The following CHKA variants were observed in gnomAD, a reference collection of about 807,000 sequenced individuals.
The protein encoded by CHKA is CHETK-alpha.
In CHKA, 34 loss-of-function variants were observed where a neutral mutation model predicts 60.1. The observed-to-expected ratio is 0.57, with a 90% CI of 0.43 to 0.75. CHKA has a LOEUF of 0.75. Among genes scored for constraint, CHKA ranks in the 30% least tolerant of loss-of-function variants. The probability of loss-of-function intolerance (pLI) is 0.00; values close to 1 mark genes in which losing one functional copy is unlikely to be tolerated. For missense variants in CHKA, 563 were observed against 561.3 expected (o/e 1.00, Z -0.03); for synonymous variants, 217 against 223.1 (o/e 0.97, Z 0.24).
At chr11:68,067,948 TGG>T (rs1565175214) in intron 7 of CHKA, among the ~76,000 whole-genome samples, 1 of 152,128 alleles carries the variant, frequency 6.6e-6, no homozygotes, top group African/African-American at 2.4e-5. Flanking sequence ...GGGCTCAAGG[TGG>T]GACCTGAACT....
At position 68,101,014 on chromosome 11, in the gene CHKA, C is replaced by A. The variant is rs1229512010; in HGVS notation, c.351-3884G>T. Among the ~76,000 whole-genome samples, 3 of 127,472 alleles carry A rather than the reference C, an allele frequency of 2.4e-5. No individual in the cohort carries two copies. In the Admixed American group the frequency reaches 2.9e-4, roughly 12 times the overall value. 83.6% of individuals were successfully genotyped at this position (127,472 alleles called of 152,430 possible). A position where few individuals can be genotyped will look rare whatever the true frequency, so the allele number is the denominator to read the frequency against. ...CCAGGCTGGAGTGCAACAGCGCGAT[C>A]TCGGCTCACTGCAAGCTCCACCTCC... On this transcript the variant is annotated intron_variant, in intron 1 of 11. Coordinates refer to ENST00000265689, the MANE Select transcript of CHKA (RefSeq NM_001277.3).
intron 1 of CHKA, among the ~76,000 whole-genome samples, chr11:68,103,884 G>C (rs1319666807): frequency 6.6e-6 from 1 of 152,028 alleles, no homozygotes; most frequent in Non-Finnish European, 1.5e-5. Flanking sequence ...CTGCACTCCA[G>C]CCTGGGAGAC....
intron 1 of CHKA, among the ~76,000 whole-genome samples, chr11:68,107,238 T>A (rs1283513662): frequency 6.6e-6 from 1 of 151,452 alleles, no homozygotes; most frequent in East Asian, 1.9e-4. Flanking sequence ...GGTGACAGAG[T>A]GAGACTCTGT....
chr11:68,080,650 T>C (rs1238545245), intron 3 of CHKA, among the ~76,000 whole-genome samples: 2 of 152,214 alleles, frequency 1.3e-5, no homozygotes, highest in Non-Finnish European at 2.9e-5. Context: ...TCAGCCTATT[T>C]CTTGACCATT....
At chr11:68,059,440 T>C (rs1856141787) in intron 11 of CHKA, among the ~76,000 whole-genome samples, 1 of 152,204 alleles carries the variant, frequency 6.6e-6, no homozygotes, top group Admixed American at 6.5e-5. Flanking sequence ...ATATTATCCT[T>C]TTACATATGT....
chr11:68,054,929 C>CG (rs1855949371), intron 11 of CHKA, among the ~76,000 whole-genome samples: 2 of 152,208 alleles, frequency 1.3e-5, no homozygotes, highest in African/African-American at 4.8e-5. Context: ...TATGCAGCCT[C>CG]GTGTCTGGCT....
chr11:68,103,674 G>C (rs1027890999), intron 1 of CHKA, among the ~76,000 whole-genome samples: 1 of 152,060 alleles, frequency 6.6e-6, no homozygotes, highest in Non-Finnish European at 1.5e-5. Flanking sequence ...CACTTTGGAA[G>C]GCTGAGGCGG....
intron 2 of CHKA, among the ~76,000 whole-genome samples, chr11:68,096,283 C>A (rs1488286598): frequency 1.3e-5 from 2 of 152,058 alleles, no homozygotes; most frequent in African/African-American, 4.8e-5. Context: ...ATCACTTGAA[C>A]CCGGGAGGCA....
At chr11:68,094,265 A>G (rs1279899203) in intron 2 of CHKA, among the ~76,000 whole-genome samples, 10 of 152,222 alleles carry the variant, frequency 6.6e-5, no homozygotes, top group Non-Finnish European at 1.5e-4. Context: ...TAGCAGGCCA[A>G]GTGCAGTGGT....
intron 6 of CHKA, among the ~76,000 whole-genome samples, chr11:68,069,275 ATC>A (rs1158054101): frequency 1.3e-5 from 2 of 152,000 alleles, no homozygotes; most frequent in Non-Finnish European, 2.9e-5. Flanking sequence ...GCCTACTTTG[ATC>A]TGTTTCTGTC....
In CHKA at chr11:68,106,624, C is replaced by T. The variant is rs946250090; in HGVS notation, c.351-9494G>A. ...ACAAAATAGCTGTGCAGACCTTGGGCAGGCCTCCAAGTCTGTTTTCACACC... is the reference window on the plus strand; with the variant it reads ...ACAAAATAGCTGTGCAGACCTTGGGTAGGCCTCCAAGTCTGTTTTCACACC... On this transcript the variant is annotated intron_variant, in intron 1 of 11. Transcript: ENST00000265689. 1.3e-3 allele frequency among the ~76,000 whole-genome samples: 193 copies of T among 151,988 alleles called. 1 individual carries two copies. The highest frequency in any genetic ancestry group is 3.3e-3 in the African/African-American group (138 of 41,440).
chr11:68,071,847 G>A (rs1195141043), intron 4 of CHKA, among the ~76,000 whole-genome samples: 1 of 152,192 alleles, frequency 6.6e-6, no homozygotes. Context: ...AGCCCAGGGT[G>A]CAGCTCAGCA....
chr11:68,103,151 A>T (rs1482665893), intron 1 of CHKA, among the ~76,000 whole-genome samples: 1 of 152,162 alleles, frequency 6.6e-6, no homozygotes, highest in East Asian at 1.9e-4. Flanking sequence ...AACAAAAACA[A>T]GGCAAAAGAC....
intron 11 of CHKA, among the ~76,000 whole-genome samples, chr11:68,057,446 A>G (rs764173531): frequency 1.1e-4 from 17 of 152,134 alleles, no homozygotes; most frequent in African/African-American, 1.7e-4. Context: ...CAGCCTCTCC[A>G]GTAGCTGGGA....
chr11:68,101,518 G>A (rs955013404), intron 1 of CHKA, among the ~76,000 whole-genome samples: 20 of 152,046 alleles, frequency 1.3e-4, no homozygotes, highest in African/African-American at 4.8e-4. Context: ...TTCTAAACGG[G>A]AGGCTCAGGT....
rs925314692 is a variant in CHKA at position 68,064,385 on chromosome 11, G to GT, written c.1232+139dup. ...ATTGCGCCACTGCACTCCAGCCTGGGTGACAGAGCAAGACTCTGTCTCAAA... is the reference window on the plus strand; with the variant it reads ...ATTGCGCCACTGCACTCCAGCCTGGGTTGACAGAGCAAGACTCTGTCTCAAA... On this transcript the variant is annotated intron_variant, in intron 10 of 11. Transcript: ENST00000265689. 4 of 459,850 alleles carry GT rather than the reference G, an allele frequency of 8.7e-6. No homozygotes were observed. The Admixed American group carries it at 1.9e-4, about 22-fold the overall frequency. 28.5% of individuals were successfully genotyped at this position (459,850 alleles called of 1,614,324 possible).
At chr11:68,098,528 T>C (rs1043060514) in intron 1 of CHKA, among the ~76,000 whole-genome samples, 2 of 152,170 alleles carry the variant, frequency 1.3e-5, no homozygotes, top group African/African-American at 2.4e-5. Flanking sequence ...TTAAGTTTAA[T>C]GGGTACAGAG....
chr11:68,065,686 G>T, intron 9 of CHKA, 100 bp downstream of exon 9: 2 of 821,658 alleles, frequency 2.4e-6, no homozygotes, highest in Non-Finnish European at 4.0e-6. Flanking sequence ...GGGAAACAGA[G>T]TGAGACCCTG....
intron 7 of CHKA, among the ~76,000 whole-genome samples, chr11:68,068,397 A>G (rs917753742): frequency 2.0e-5 from 3 of 151,834 alleles, no homozygotes; most frequent in Non-Finnish European, 4.4e-5. Flanking sequence ...TTTAGTGAAT[A>G]TTCTTTCGGA....
Sources: gnomAD v4.1 joint callset for allele counts (sites outside exome capture counted in the v4.1 genomes callset) on GRCh38, gnomAD v4.1.1 for gene constraint, MANE v1.5 for transcripts, NCBI Gene and HGNC (gene_info 2026-07-23, HGNC 2026-07-21) for gene names.